Variants in NEK11 observed in about 807,000 individuals in gnomAD.
NEK11 encodes NIMA related kinase 11, also known as serine/threonine-protein kinase Nek11.
NEK11 carries 72 observed loss-of-function variants against 80.7 expected under a neutral mutation model. The observed-to-expected ratio is 0.89, with a 90% CI of 0.74 to 1.08. NEK11 has a LOEUF of 1.08. NEK11 is among the 50% of genes least tolerant of loss of function. The pLI is 0.00. For synonymous variants in NEK11, 251 were observed against 260.7 expected (o/e 0.96, Z 0.36); for missense variants, 764 against 763.6 (o/e 1.00, Z -0.01).
At chr3:131,282,075 CT>C (rs760928456) in intron 17 of NEK11, among the ~76,000 whole-genome samples, 16 of 152,052 alleles carry the variant, frequency 1.1e-4, no homozygotes, top group Non-Finnish European at 7.3e-5. Flanking sequence ...AATGGTGTTG[CT>C]TGCAAAGATT....
chr3:131,117,986 C>G (rs1011127121), intron 5 of NEK11, among the ~76,000 whole-genome samples: 1 of 152,104 alleles, frequency 6.6e-6, no homozygotes, highest in Admixed American at 6.5e-5. Context: ...GCCTGATTCC[C>G]CTGACCAGAA....
chr3:131,148,611 G>T lies in NEK11; in HGVS notation c.648-3777G>T, dbSNP rs1396658584. Among the ~76,000 whole-genome samples the T allele has an allele frequency of 2.6e-5, 4 of 151,990 alleles. No homozygotes were observed. In the East Asian group the frequency reaches 7.7e-4, roughly 29 times the overall value. On this transcript the variant is annotated intron_variant, in intron 7 of 17. Transcript: ENST00000383366. ...AAAAACAAAGCCAAACAAATACAGGGTCCTTATAAGGATTGCTTTATAATA... is the reference window on the plus strand; with the variant it reads ...AAAAACAAAGCCAAACAAATACAGGTTCCTTATAAGGATTGCTTTATAATA...
intron 16 of NEK11, among the ~76,000 whole-genome samples, chr3:131,251,574 G>GAA (rs2095704724): frequency 2.0e-5 from 3 of 152,028 alleles, no homozygotes; most frequent in Admixed American, 1.3e-4. Flanking sequence ...TGATTGCAAG[G>GAA]TTCTGAATAC....
intron 14 of NEK11, chr3:131,174,823 C>T (rs1443913589): frequency 1.2e-6 from 2 of 1,606,952 alleles, no homozygotes; most frequent in Non-Finnish European, 1.7e-6. Context: ...TAGCCTGAGA[C>T]TCTAGGGCCT....
At chr3:131,236,552 G>A (rs778925719) in intron 15 of NEK11, among the ~76,000 whole-genome samples, 6 of 152,196 alleles carry the variant, frequency 3.9e-5, no homozygotes, top group Non-Finnish European at 7.3e-5. Context: ...ATAATGCAGA[G>A]TAAACAAGGC....
intron 17 of NEK11, among the ~76,000 whole-genome samples, chr3:131,297,220 C>G (rs1331200872): frequency 6.6e-6 from 1 of 151,346 alleles, no homozygotes; most frequent in African/African-American, 2.4e-5. Flanking sequence ...AGTTCTAGAT[C>G]CCTGAGGAAT....
intron 17 of NEK11, among the ~76,000 whole-genome samples, chr3:131,337,896 T>C (rs1185862215): frequency 6.6e-6 from 1 of 152,188 alleles, no homozygotes; most frequent in African/African-American, 2.4e-5. Context: ...CTCATATGAT[T>C]GTGTAAATAA....
chr3:131,079,076 G>T (rs1317804017), intron 3 of NEK11, among the ~76,000 whole-genome samples: 2 of 151,648 alleles, frequency 1.3e-5, no homozygotes, highest in Non-Finnish European at 2.9e-5. Flanking sequence ...CAAGTTTTTT[G>T]GTAATCATTT....
At chr3:131,185,916 G>A (rs966658182) in intron 14 of NEK11, among the ~76,000 whole-genome samples, 2 of 152,092 alleles carry the variant, frequency 1.3e-5, no homozygotes, top group Admixed American at 1.3e-4. Flanking sequence ...TACCAACTAT[G>A]TGGACCTGGA....
In NEK11 at chr3:131,097,622, G is replaced by T. The variant is rs2077645952; in HGVS notation, c.337-12181G>T. 2.6e-5 allele frequency among the ~76,000 whole-genome samples: 4 copies of T among 152,188 alleles called. No individual in the cohort carries two copies. The South Asian group carries it at 8.3e-4, about 32-fold the overall frequency. On this transcript the variant is annotated intron_variant, in intron 4 of 17. Coordinates refer to ENST00000383366, the MANE Select transcript of NEK11 (RefSeq NM_024800.5). ...GTAAATCGTGAAGGACCTCTCCAAG[G>T]AGAACTGCAAACCACTGCTCAATGA...
intron 14 of NEK11, among the ~76,000 whole-genome samples, chr3:131,225,689 A>G (rs2095172137): frequency 6.6e-6 from 1 of 152,126 alleles, no homozygotes; most frequent in Admixed American, 6.6e-5. Flanking sequence ...ATTCTAAAGG[A>G]GTGTTTCTGA....
At chr3:131,164,977 G>T (rs2149987147) in intron 11 of NEK11, among the ~76,000 whole-genome samples, 1 of 152,296 alleles carries the variant, frequency 6.6e-6, no homozygotes, top group African/African-American at 2.4e-5. Context: ...CAAAGTAAAT[G>T]TGTCTAGAAA....
intron 14 of NEK11, among the ~76,000 whole-genome samples, chr3:131,188,645 T>C (rs1290421275): frequency 6.6e-6 from 1 of 152,182 alleles, no homozygotes; most frequent in Non-Finnish European, 1.5e-5. Context: ...TTGCCTTTCA[T>C]ATCCTTTAGA....
At chr3:131,033,984 A>G (rs1446251659) in intron 3 of NEK11, among the ~76,000 whole-genome samples, 4 of 152,232 alleles carry the variant, frequency 2.6e-5, no homozygotes, top group Non-Finnish European at 5.9e-5. Flanking sequence ...TTTCTTTCAT[A>G]ATTATAGACA....
intron 4 of NEK11, among the ~76,000 whole-genome samples, chr3:131,091,977 C>T (rs558877173): frequency 6.6e-5 from 10 of 152,148 alleles, no homozygotes; most frequent in Non-Finnish European, 1.0e-4. Flanking sequence ...GATTTGGCTG[C>T]CTGTGATTGG....
chr3:131,194,943 T>G (rs2093939512), intron 14 of NEK11, among the ~76,000 whole-genome samples: 1 of 152,158 alleles, frequency 6.6e-6, no homozygotes, highest in African/African-American at 2.4e-5. Context: ...GTTTCAACAC[T>G]GTCATCTATA....
chr3:131,225,153 G>A (rs1469420205), intron 14 of NEK11, among the ~76,000 whole-genome samples: 1 of 152,096 alleles, frequency 6.6e-6, no homozygotes, highest in African/African-American at 2.4e-5. Context: ...CTGTACAGAT[G>A]TGCCATTTAA....
At chr3:131,050,624 T>G (rs1357803320) in intron 3 of NEK11, among the ~76,000 whole-genome samples, 1 of 152,228 alleles carries the variant, frequency 6.6e-6, no homozygotes, top group African/African-American at 2.4e-5. Flanking sequence ...CATATTGCAT[T>G]TGCTTGTTTC....
intron 15 of NEK11, among the ~76,000 whole-genome samples, chr3:131,233,465 A>G (rs16836141): frequency 0.06 from 9,063 of 152,230 alleles, 363 homozygotes; most frequent in East Asian, 0.18. Flanking sequence ...AATTCTTGCA[A>G]CAACTCTGAT....
Sources: gnomAD v4.1 joint callset for allele counts (sites outside exome capture counted in the v4.1 genomes callset) on GRCh38, gnomAD v4.1.1 for gene constraint, MANE v1.5 for transcripts, NCBI Gene and HGNC (gene_info 2026-07-23, HGNC 2026-07-21) for gene names.